The following ZNF385D variants were observed in gnomAD, a reference collection of about 807,000 sequenced individuals.
ZNF385D encodes zinc finger protein 385D, also known as zinc finger protein 659.
Under a neutral mutation model 35.8 loss-of-function variants are expected in ZNF385D, and 15 were observed. The observed-to-expected ratio is 0.42, with a 90% CI of 0.28 to 0.64. ZNF385D has a LOEUF of 0.64. ZNF385D is among the 30% of genes least tolerant of loss of function. The probability of loss-of-function intolerance (pLI) is 0.23; values close to 1 mark genes in which losing one functional copy is unlikely to be tolerated. For synonymous variants in ZNF385D, 212 were observed against 186.8 expected, an observed-to-expected ratio of 1.13 and a Z score of -1.10; for missense variants, 474 against 494.6, an observed-to-expected ratio of 0.96 and a Z score of 0.39.
At chr3:21,547,620 G>T (rs1201896225) in intron 3 of ZNF385D, among the ~76,000 whole-genome samples, 26 of 141,234 alleles carry the variant, frequency 1.8e-4, no homozygotes, top group South Asian at 6.8e-4. Flanking sequence ...GTTTTGTTTT[G>T]TTTTTTTTTT....
chr3:21,988,802 T>G (rs1324574403), intron 3 of ZNF385D, among the ~76,000 whole-genome samples: 1 of 152,036 alleles, frequency 6.6e-6, no homozygotes, highest in Non-Finnish European at 1.5e-5. Flanking sequence ...CTCAGACTGC[T>G]GTGCTAGCAA....
At chr3:22,004,257 C>T (rs2125421010) in intron 3 of ZNF385D, among the ~76,000 whole-genome samples, 1 of 152,120 alleles carries the variant, frequency 6.6e-6, no homozygotes, top group East Asian at 1.9e-4. Flanking sequence ...GCAGAAGACC[C>T]CTATCTCTCA....
chr3:22,287,456 G>T (rs1463685330), intron 2 of ZNF385D, among the ~76,000 whole-genome samples: 1 of 151,676 alleles, frequency 6.6e-6, no homozygotes, highest in Admixed American at 6.6e-5. Flanking sequence ...TTCCTCTCTT[G>T]CTGTCTTTGC....
chr3:22,272,024 G>C (rs1701203218), intron 2 of ZNF385D, among the ~76,000 whole-genome samples: 1 of 151,952 alleles, frequency 6.6e-6, no homozygotes, highest in South Asian at 2.1e-4. Flanking sequence ...ATATGCAGTG[G>C]TGCCGATATT....
chr3:21,704,478 C>T (rs999500534), intron 1 of ZNF385D, among the ~76,000 whole-genome samples: 1 of 151,962 alleles, frequency 6.6e-6, no homozygotes, highest in Non-Finnish European at 1.5e-5. Flanking sequence ...ATAGCCTTTA[C>T]CAAAATCTGA....
In ZNF385D at chr3:21,961,360, A is replaced by T. The variant is rs546538115; in HGVS notation, c.325+207457T>A. The T allele has an allele frequency of 3.5e-4, 54 of 152,256 alleles. No individual in the cohort carries two copies. The South Asian group carries it at 0.01, about 29-fold the overall frequency. 9.4% of individuals were successfully genotyped at this position (152,256 alleles called of 1,614,324 possible). A position where few individuals can be genotyped will look rare whatever the true frequency, so the allele number is the denominator to read the frequency against. On this transcript the variant is annotated intron_variant, in intron 3 of 5. Coordinates refer to the ZNF385D transcript ENST00000494108. ...GCCAATTTTATGTGGCATTTGGAAA[A>T]TATTCGACTTAATAAAATTTTAAAT...
intron 2 of ZNF385D, among the ~76,000 whole-genome samples, chr3:22,336,908 T>TAAA (rs1559527421): frequency 9.5e-4 from 1 of 1,056 alleles, no homozygotes; most frequent in Non-Finnish European, 5.3e-3. Context: ...CAGTGATTTT[T>TAAA]CAAAAAAAAA....
intron 1 of ZNF385D, among the ~76,000 whole-genome samples, chr3:21,698,792 T>C (rs184746915): frequency 9.0e-4 from 137 of 152,056 alleles, no homozygotes; most frequent in African/African-American, 3.2e-3. Context: ...CACAACGAGA[T>C]ACCATCTCAC....
At chr3:22,067,537 G>A (rs549006033) in intron 3 of ZNF385D, among the ~76,000 whole-genome samples, 1 of 152,262 alleles carries the variant, frequency 6.6e-6, no homozygotes, top group Non-Finnish European at 1.5e-5. Flanking sequence ...AAACAGAAGT[G>A]TATATCCCAT....
intron 3 of ZNF385D, among the ~76,000 whole-genome samples, chr3:21,799,582 G>A (rs566655755): frequency 2.0e-5 from 3 of 152,030 alleles, no homozygotes; most frequent in Non-Finnish European, 4.4e-5. Context: ...TGGAGGAAAG[G>A]CTATTCAAGT....
rs531085290 is a variant in ZNF385D at position 21,517,667 on chromosome 3, G to T, written c.277-6644C>A. 1.4e-4 allele frequency among the ~76,000 whole-genome samples: 21 copies of T among 152,284 alleles called. No homozygotes were observed. The South Asian group carries it at 1.7e-3, about 12-fold the overall frequency. On this transcript the variant is annotated intron_variant, in intron 3 of 7. Coordinates refer to ENST00000281523, the MANE Select transcript of ZNF385D (RefSeq NM_024697.3). ...AGGCTGATTGGAACCTGAGAGAGTA[G>T]TTGCATACGGTAATCTGACTAGTTA...
intron 3 of ZNF385D, among the ~76,000 whole-genome samples, chr3:22,095,204 G>C (rs903918926): frequency 6.7e-6 from 1 of 150,196 alleles, no homozygotes; most frequent in East Asian, 2.0e-4. Context: ...TGTGATTACA[G>C]GTGTGAACGA....
At chr3:21,738,217 C>T (rs970285006) in intron 1 of ZNF385D, among the ~76,000 whole-genome samples, 5 of 152,166 alleles carry the variant, frequency 3.3e-5, no homozygotes, top group East Asian at 3.9e-4. Context: ...GGTGAGAATA[C>T]GCTCCTAGGT....
chr3:21,787,231 T>C (rs1022529779), intron 3 of ZNF385D, among the ~76,000 whole-genome samples: 3 of 152,082 alleles, frequency 2.0e-5, no homozygotes, highest in East Asian at 1.9e-4. Context: ...AATCGCTCAA[T>C]GATAGAAGGT....
chr3:22,135,448 A>G (rs1333588901), intron 3 of ZNF385D, among the ~76,000 whole-genome samples: 1 of 152,180 alleles, frequency 6.6e-6, no homozygotes, highest in Non-Finnish European at 1.5e-5. Context: ...GTATAAATCT[A>G]ACACTCCAGG....
At chr3:21,453,229 A>G (rs1383195542) in intron 4 of ZNF385D, among the ~76,000 whole-genome samples, 2 of 152,002 alleles carry the variant, frequency 1.3e-5, no homozygotes, top group East Asian at 1.9e-4. Flanking sequence ...AAAATGGATC[A>G]GTAACCTAAA....
chr3:22,233,698 A>C (rs1699022583), intron 2 of ZNF385D, among the ~76,000 whole-genome samples: 2 of 152,008 alleles, frequency 1.3e-5, no homozygotes, highest in Non-Finnish European at 2.9e-5. Context: ...GAAAGTCACA[A>C]ATATAGTCCT....
intron 4 of ZNF385D, among the ~76,000 whole-genome samples, chr3:21,490,728 A>T (rs1705373324): frequency 6.6e-6 from 1 of 151,436 alleles, no homozygotes; most frequent in African/African-American, 2.4e-5. Context: ...CTCTGAATGA[A>T]ATGTGTGTGT....
chr3:22,032,296 A>C (rs73137168), intron 3 of ZNF385D, among the ~76,000 whole-genome samples: 2,340 of 152,298 alleles, frequency 0.015, 48 homozygotes, highest in African/African-American at 0.053. Context: ...AGGACTCAGG[A>C]AACTTGCAAT....
Sources: allele counts gnomAD v4.1 joint callset (sites outside exome capture counted in the v4.1 genomes callset), GRCh38; gene constraint gnomAD v4.1.1; transcripts MANE v1.5; gene names NCBI Gene and HGNC (gene_info 2026-07-23, HGNC 2026-07-21).